The following NPR3 variants were observed in gnomAD, a reference collection of about 807,000 sequenced individuals.
The protein encoded by NPR3 is atrial natriuretic peptide receptor 3.
A neutral mutation model predicts 54.5 loss-of-function variants in NPR3; 34 were observed. The ratio of observed to expected loss-of-function variants is 0.62; its 90% CI spans 0.47 to 0.83. The LOEUF is 0.83. NPR3 is among the 40% of genes least tolerant of loss of function. The probability of loss-of-function intolerance (pLI) is 0.00; values close to 1 mark genes in which losing one functional copy is unlikely to be tolerated. For synonymous variants in NPR3, 289 were observed against 297.1 expected (o/e 0.97, Z 0.28); for missense variants, 674 against 720.8 (o/e 0.94, Z 0.74).
chr5:32,757,319 C>T (rs1014352904), intron 3 of NPR3, among the ~76,000 whole-genome samples: 1 of 152,212 alleles, frequency 6.6e-6, no homozygotes, highest in African/African-American at 2.4e-5. Context: ...AGGTCCTTCA[C>T]ATCCCTTGTA....
At chr5:32,737,979 T>C (rs987651313) in intron 2 of NPR3, among the ~76,000 whole-genome samples, 2 of 152,126 alleles carry the variant, frequency 1.3e-5, no homozygotes, top group African/African-American at 2.4e-5. Flanking sequence ...TTTATCTCAT[T>C]ACCACTAATG....
At chr5:32,767,835 G>C (rs889931700) in intron 3 of NPR3, among the ~76,000 whole-genome samples, 4 of 152,164 alleles carry the variant, frequency 2.6e-5, no homozygotes, top group African/African-American at 4.8e-5. Flanking sequence ...AAAAGTTCAA[G>C]GGAAGCTGTC....
chr5:32,762,427 C>T lies in NPR3; in HGVS notation c.1060-12281C>T, dbSNP rs146682694. Among the ~76,000 whole-genome samples the T allele has an allele frequency of 7.6e-3, 1,020 of 133,476 alleles. 11 individuals are homozygous for T. Among genetic ancestry groups the T allele is most frequent in the Middle Eastern group, 0.035 (9 of 254 alleles). 87.6% of individuals were successfully genotyped at this position (133,476 alleles called of 152,430 possible). ...TCCCACCGACAGTGTAAAGGCATTC[C>T]TATTTCTCCACATCCTCTCCAGCAT... On this transcript the variant is annotated intron_variant, in intron 3 of 7. Coordinates refer to ENST00000265074, the MANE Select transcript of NPR3 (RefSeq NM_001204375.2).
chr5:32,778,084 A>G (rs1411296344), intron 4 of NPR3, among the ~76,000 whole-genome samples: 1 of 145,744 alleles, frequency 6.9e-6, no homozygotes, highest in African/African-American at 2.8e-5. Context: ...GTAGGTGCCA[A>G]TGATGGCTGG....
At chr5:32,760,212 T>A (rs1579670676) in intron 3 of NPR3, among the ~76,000 whole-genome samples, 1 of 152,178 alleles carries the variant, frequency 6.6e-6, no homozygotes, top group African/African-American at 2.4e-5. Context: ...ATGCTTTCAT[T>A]TCTGTTGAGT....
intron 1 of NPR3, among the ~76,000 whole-genome samples, chr5:32,712,836 C>T (rs950954015): frequency 1.3e-5 from 2 of 152,230 alleles, no homozygotes; most frequent in Non-Finnish European, 2.9e-5. Context: ...GTTTTTTCTT[C>T]CCAGTTTCCA....
At chr5:32,714,564 A>G (rs961097074) in intron 1 of NPR3, among the ~76,000 whole-genome samples, 3 of 149,822 alleles carry the variant, frequency 2.0e-5, no homozygotes, top group African/African-American at 7.4e-5. Context: ...ACTGACCTGT[A>G]TATTTTACAA....
At chr5:32,698,596 G>T (rs984938963) in intron 1 of NPR3, among the ~76,000 whole-genome samples, 5 of 152,118 alleles carry the variant, frequency 3.3e-5, no homozygotes, top group African/African-American at 1.2e-4. Flanking sequence ...ACCTATTATT[G>T]TATTGGGATC....
chr5:32,728,051 G>A (rs770368013), intron 2 of NPR3, among the ~76,000 whole-genome samples: 1 of 152,180 alleles, frequency 6.6e-6, no homozygotes, highest in Non-Finnish European at 1.5e-5. Context: ...GGGCCACCAT[G>A]GCATTCTTGG....
chr5:32,691,482 G>T (rs1413301240), intron 1 of NPR3, among the ~76,000 whole-genome samples: 2 of 152,176 alleles, frequency 1.3e-5, no homozygotes, highest in African/African-American at 4.8e-5. Flanking sequence ...TCAAACTCTC[G>T]CTTCATCCAG....
At position 32,791,053 on chromosome 5, in the gene NPR3, T is replaced by A. The variant is rs1742882325; in HGVS notation, c.*4708T>A. 2.4e-5 allele frequency: 4 copies of A among 167,118 alleles called. No homozygotes were observed. The Admixed American group carries it at 2.6e-4, about 11-fold the overall frequency. 10.4% of individuals were successfully genotyped at this position (167,118 alleles called of 1,614,324 possible). On this transcript the variant is annotated 3_prime_UTR_variant, in exon 8 of 8. Coordinates refer to ENST00000265074, the MANE Select transcript of NPR3 (RefSeq NM_001204375.2). Reference sequence around the variant, plus strand: ...TGCTAGGAGAACAAAGCTGTCACGGTGCATGATAGTTGGACAGAGATGGCT... The same window carrying A: ...TGCTAGGAGAACAAAGCTGTCACGGAGCATGATAGTTGGACAGAGATGGCT...
intron 2 of NPR3, 81 bp from the exon 3 acceptor site, chr5:32,738,783 G>T: frequency 3.2e-6 from 4 of 1,243,254 alleles, no homozygotes; most frequent in Non-Finnish European, 4.5e-6. Flanking sequence ...AACATGCGGG[G>T]GCGCCTCACA....
At chr5:32,784,418 A>G (rs1742500424) in intron 6 of NPR3, among the ~76,000 whole-genome samples, 1 of 152,076 alleles carries the variant, frequency 6.6e-6, no homozygotes, top group Non-Finnish European at 1.5e-5. Context: ...CAAACTCCTG[A>G]CCTCAGGTGA....
intron 4 of NPR3, 35 bp from the exon 5 acceptor site, chr5:32,780,687 A>C: frequency 5.8e-5 from 54 of 936,236 alleles, no homozygotes; most frequent in Non-Finnish European, 8.7e-5. Context: ...TATTTTAAGT[A>C]ACCAACGTTG....
intron 1 of NPR3, among the ~76,000 whole-genome samples, chr5:32,702,964 T>C (rs1377974263): frequency 1.3e-5 from 2 of 152,210 alleles, no homozygotes; most frequent in Non-Finnish European, 2.9e-5. Flanking sequence ...CTAACTGGTG[T>C]GAGATGGTAT....
chr5:32,706,904 A>C (rs116658193), upstream of NPR3, among the ~76,000 whole-genome samples: 1,835 of 152,306 alleles, frequency 0.012, 49 homozygotes, highest in African/African-American at 0.041. Context: ...GAACTTGATG[A>C]ATCTTTTGTT....
chr5:32,714,767 C>T (rs1191500115), intron 1 of NPR3, among the ~76,000 whole-genome samples: 1 of 152,108 alleles, frequency 6.6e-6, no homozygotes, highest in Non-Finnish European at 1.5e-5. Context: ...TCTTAGGGGA[C>T]CTTTTAAAAA....
At chr5:32,784,342 C>T (rs888853493) in intron 6 of NPR3, among the ~76,000 whole-genome samples, 4 of 152,156 alleles carry the variant, frequency 2.6e-5, no homozygotes, top group African/African-American at 9.7e-5. Flanking sequence ...GTGCCTGCCA[C>T]CACACCCAGC....
At chr5:32,716,435 C>A (rs112178411) in intron 1 of NPR3, 77 of 453,776 alleles carry the variant, frequency 1.7e-4, no homozygotes, top group Admixed American at 2.4e-5. Context: ...TCTTCTTGAT[C>A]ATTCTACTGC....
Sources: allele counts gnomAD v4.1 joint callset (sites outside exome capture counted in the v4.1 genomes callset), GRCh38; gene constraint gnomAD v4.1.1; transcripts MANE v1.5; gene names NCBI Gene and HGNC (gene_info 2026-07-23, HGNC 2026-07-21).